Variants in AAMDC observed in about 807,000 individuals in gnomAD.
AAMDC encodes the protein adipogenesis associated Mth938 domain containing.
AAMDC carries 16 observed loss-of-function variants against 15.5 expected under a neutral mutation model. The ratio of observed to expected loss-of-function variants is 1.03; its 90% CI spans 0.70 to 1.57. AAMDC has a LOEUF of 1.57. AAMDC is among the 40% of genes most tolerant of loss of function. The pLI, the probability that AAMDC is intolerant of heterozygous loss-of-function variation, is 0.00. For missense variants in AAMDC, 141 were observed against 144.9 expected, an observed-to-expected ratio of 0.97 and a Z score of 0.14; for synonymous variants, 51 against 51.6, an observed-to-expected ratio of 0.99 and a Z score of 0.05.
chr11:77,876,943 TG>T, downstream of AAMDC: 1 of 703,230 alleles, frequency 1.4e-6, no homozygotes, highest in Middle Eastern at 2.3e-4. Context: ...TTCATGTTTT[TG>T]TCTAGGCTCC....
chr11:77,891,937 A>G (rs1232829666), intron 5 of AAMDC: 2 of 1,573,250 alleles, frequency 1.3e-6, no homozygotes, highest in East Asian at 4.5e-5. Context: ...AGTAGGAAGA[A>G]TGATGAAGTG....
chr11:77,828,517 C>T (rs1949279490), intron 1 of AAMDC, among the ~76,000 whole-genome samples: 2 of 150,836 alleles, frequency 1.3e-5, no homozygotes, highest in South Asian at 4.2e-4. Context: ...AATACAAAAA[C>T]AAAATTAGCC....
chr11:77,827,050 A>T (rs1267577082), intron 1 of AAMDC, among the ~76,000 whole-genome samples: 1 of 152,056 alleles, frequency 6.6e-6, no homozygotes, highest in East Asian at 1.9e-4. Flanking sequence ...GGTTGCAGTG[A>T]GCTGAGATGG....
chr11:77,829,773 CTT>C (rs1198823753), intron 1 of AAMDC: 1 of 152,170 alleles, frequency 6.6e-6, no homozygotes, highest in Non-Finnish European at 1.5e-5. Flanking sequence ...AAATTAAAAA[CTT>C]GTGTGCTTTA....
At chr11:77,841,537 A>G (rs1031797346) in intron 1 of AAMDC, among the ~76,000 whole-genome samples, 1 of 152,214 alleles carries the variant, frequency 6.6e-6, no homozygotes, top group Non-Finnish European at 1.5e-5. Flanking sequence ...GAGTGCGTTC[A>G]AAGTCCAGCT....
At chr11:77,848,934 G>T (rs1290242380) in intron 2 of AAMDC, among the ~76,000 whole-genome samples, 1 of 152,048 alleles carries the variant, frequency 6.6e-6, no homozygotes, top group East Asian at 1.9e-4. Flanking sequence ...AGAAGTAGAA[G>T]TATGTGCCAC....
rs1411577576 is a variant in AAMDC, at chr11:77,823,228, A to AG, written c.-19+1987_-19+1988insG. 2.0e-4 allele frequency among the ~76,000 whole-genome samples: 30 copies of AG among 151,406 alleles called. 1 individual carries two copies. The highest frequency in any genetic ancestry group is 3.4e-4 in the Non-Finnish European group (23 of 67,842). On this transcript the variant is annotated intron_variant, in intron 1 of 3. Coordinates refer to ENST00000393427, the MANE Select transcript of AAMDC (RefSeq NM_024684.4). ...AGACTCCGTCTCAAAAAAAAAAAAAAAAAAAAGAAATTAAAATCCTACTTC... is the reference window on the plus strand; with the variant it reads ...AGACTCCGTCTCAAAAAAAAAAAAAAGAAAAAAGAAATTAAAATCCTACTTC...
At chr11:77,849,905 T>C (rs1016018054) in intron 2 of AAMDC, among the ~76,000 whole-genome samples, 25 of 152,206 alleles carry the variant, frequency 1.6e-4, no homozygotes, top group Admixed American at 5.2e-4. Context: ...GCTTACTCCC[T>C]TCCCTTATTT....
chr11:77,857,959 G>C (rs1950698834), intron 2 of AAMDC, among the ~76,000 whole-genome samples: 1 of 152,112 alleles, frequency 6.6e-6, no homozygotes. Context: ...CCCCCAAAGT[G>C]CTGGGATTAC....
At chr11:77,884,656 T>G (rs1951922688) in intron 5 of AAMDC, 1 of 222,028 alleles carries the variant, frequency 4.5e-6, no homozygotes, top group Admixed American at 4.6e-5. Context: ...GAAACTGTGG[T>G]CAATGTTGAA....
At chr11:77,824,354 A>G (rs1226494975) in intron 1 of AAMDC, among the ~76,000 whole-genome samples, 1 of 152,270 alleles carries the variant, frequency 6.6e-6, no homozygotes, top group Non-Finnish European at 1.5e-5. Context: ...TTAAATAAGC[A>G]TTAAGTTACA....
Position 77,842,873 on chromosome 11 carries a change from G to A in AAMDC, c.132+245G>A, listed in dbSNP as rs1423598090. Among the ~76,000 whole-genome samples, 4 of 152,272 alleles carry A rather than the reference G, an allele frequency of 2.6e-5. No individual in the cohort carries two copies. The South Asian group carries it at 8.3e-4, about 32-fold the overall frequency. On this transcript the variant is annotated intron_variant, in intron 2 of 3. Coordinates refer to ENST00000393427, the MANE Select transcript of AAMDC (RefSeq NM_024684.4). ...ACAACAGTTACCACTGTTAGTTCCA[G>A]AATATATTTATCACCTCAGAAAGGA...
intron 5 of AAMDC, among the ~76,000 whole-genome samples, chr11:77,879,910 T>C (rs1951727776): frequency 6.6e-6 from 1 of 152,192 alleles, no homozygotes; most frequent in Non-Finnish European, 1.5e-5. Flanking sequence ...TGCTACATTA[T>C]GAAAGAAAGA....
chr11:77,868,059 T>TC (rs1951200990), intron 2 of AAMDC, among the ~76,000 whole-genome samples: 1 of 54,926 alleles, frequency 1.8e-5, no homozygotes, highest in Non-Finnish European at 3.6e-5. Context: ...CCTCTGAGCC[T>TC]TTTTTTTTTT....
chr11:77,835,223 CAGACA>C (rs944924994), intron 1 of AAMDC, among the ~76,000 whole-genome samples: 45 of 152,230 alleles, frequency 3.0e-4, no homozygotes, highest in Admixed American at 7.9e-4. Flanking sequence ...TAAAGGACAC[CAGACA>C]TATACCCTTT....
intron 5 of AAMDC, among the ~76,000 whole-genome samples, chr11:77,892,163 C>T (rs755496236): frequency 6.6e-6 from 1 of 152,152 alleles, no homozygotes; most frequent in South Asian, 2.1e-4. Context: ...TTAACAAATA[C>T]ATTTTTAAGA....
intron 5 of AAMDC, among the ~76,000 whole-genome samples, chr11:77,890,927 G>A (rs1025680222): frequency 3.3e-5 from 5 of 152,080 alleles, no homozygotes; most frequent in African/African-American, 1.2e-4. Context: ...AATTTTATCT[G>A]CCAGCCGACT....
chr11:77,893,009 G>A (rs1952343895), intron 5 of AAMDC, among the ~76,000 whole-genome samples: 1 of 152,192 alleles, frequency 6.6e-6, no homozygotes, highest in Non-Finnish European at 1.5e-5. Flanking sequence ...CAAGTACAGA[G>A]TCATAAAAAC....
chr11:77,848,696 T>C (rs558775541), intron 2 of AAMDC, among the ~76,000 whole-genome samples: 1 of 152,288 alleles, frequency 6.6e-6, no homozygotes, highest in African/African-American at 2.4e-5. Context: ...CACAGAGAAG[T>C]TATATAACTT....
Sources: allele counts gnomAD v4.1 joint callset (sites outside exome capture counted in the v4.1 genomes callset), GRCh38; gene constraint gnomAD v4.1.1; transcripts MANE v1.5; gene names NCBI Gene and HGNC (gene_info 2026-07-23, HGNC 2026-07-21).